SCN9A: variants seen among roughly 807,000 people sequenced by gnomAD.
SCN9A encodes the protein sodium channel protein type 9 subunit alpha.
Under a neutral mutation model 187.0 loss-of-function variants are expected in SCN9A, and 131 were observed. That is an observed-to-expected ratio of 0.70 (90% confidence interval 0.61 to 0.81). SCN9A has a LOEUF of 0.81. SCN9A is among the 30% of genes least tolerant of loss of function. The probability of loss-of-function intolerance (pLI) is 0.00; values close to 1 mark genes in which losing one functional copy is unlikely to be tolerated. For synonymous variants in SCN9A, 809 were observed against 808.6 expected (o/e 1.00, Z -0.01); for missense variants, 2,252 against 2,396.6 (o/e 0.94, Z 1.26).
chr2:166,330,286 C>G (rs1036057752), intron 1 of SCN9A, among the ~76,000 whole-genome samples: 2 of 152,118 alleles, frequency 1.3e-5, no homozygotes, highest in Non-Finnish European at 2.9e-5. Context: ...GCCCCCATAT[C>G]CCATTCTCTG....
intron 1 of SCN9A, among the ~76,000 whole-genome samples, chr2:166,320,413 A>T (rs1459011172): frequency 6.6e-6 from 1 of 152,192 alleles, no homozygotes; most frequent in Non-Finnish European, 1.5e-5. Flanking sequence ...CAAACACCAT[A>T]TATTTAGATA....
Position 166,305,673 on chromosome 2 carries a change from C to T in SCN9A, c.596+119G>A, listed in dbSNP as rs1057138061. 1.0e-5 allele frequency: 14 copies of T among 1,371,576 alleles called. No homozygotes were observed. In the African/African-American group the frequency reaches 1.2e-4, roughly 12 times the overall value. 85.0% of individuals were successfully genotyped at this position (1,371,576 alleles called of 1,614,324 possible). A position where few individuals can be genotyped will look rare whatever the true frequency, so the allele number is the denominator to read the frequency against. ...TAGCTTTCATATAGCTTCCATTTTC[C>T]TTTAAATACAGACATTCCATGCTGG... On this transcript the variant is annotated intron_variant, in intron 5 of 26. Coordinates refer to ENST00000642356, the MANE Select transcript of SCN9A (RefSeq NM_001365536.1).
intron 24 of SCN9A, among the ~76,000 whole-genome samples, chr2:166,220,852 C>A (rs1045904023): frequency 6.6e-6 from 1 of 150,908 alleles, no homozygotes; most frequent in Admixed American, 7.0e-5. Context: ...AAAGACATCC[C>A]AATCTGAAAG....
chr2:166,334,042 G>A (rs936772173), intron 1 of SCN9A, among the ~76,000 whole-genome samples: 1 of 152,178 alleles, frequency 6.6e-6, no homozygotes, highest in African/African-American at 2.4e-5. Context: ...GATATGGAAT[G>A]CTATGAGCAA....
intron 18 of SCN9A, 105 bp downstream of exon 18, chr2:166,251,660 G>T: frequency 1.7e-6 from 2 of 1,170,920 alleles, no homozygotes; most frequent in Non-Finnish European, 2.5e-6. Flanking sequence ...AGCATGGAAT[G>T]GAGTCTTCTG....
intron 18 of SCN9A, among the ~76,000 whole-genome samples, chr2:166,247,323 C>T (rs755982613): frequency 2.7e-4 from 41 of 151,628 alleles, no homozygotes; most frequent in Non-Finnish European, 5.3e-4. Flanking sequence ...TCAAATATAA[C>T]TAAAACAAAT....
intron 1 of SCN9A, among the ~76,000 whole-genome samples, chr2:166,346,090 A>G (rs936151273): frequency 6.6e-5 from 10 of 152,126 alleles, no homozygotes; most frequent in African/African-American, 2.4e-4. Flanking sequence ...CTTTTGAGTA[A>G]CCTGTGCTGC....
chr2:166,295,101 A>C (rs929610273), intron 7 of SCN9A, among the ~76,000 whole-genome samples: 4 of 152,320 alleles, frequency 2.6e-5, no homozygotes, highest in African/African-American at 9.6e-5. Context: ...GACAAAGAAG[A>C]CAGCCATGAA....
chr2:166,288,812 G>A (rs1697907002), intron 9 of SCN9A, among the ~76,000 whole-genome samples, 169 bp from the exon 10 acceptor site: 1 of 152,136 alleles, frequency 6.6e-6, no homozygotes. Flanking sequence ...CACATTTTCA[G>A]TACGAAGAAT....
intron 26 of SCN9A, 24 bp from the exon 27 acceptor site, chr2:166,199,888 A>C: frequency 6.3e-7 from 1 of 1,594,560 alleles, no homozygotes; most frequent in South Asian, 1.1e-5. Context: ...AAAATAATAG[A>C]AATAAAATAT....
At chr2:166,323,699 A>G (rs910451988) in intron 1 of SCN9A, among the ~76,000 whole-genome samples, 3 of 152,214 alleles carry the variant, frequency 2.0e-5, no homozygotes, top group South Asian at 4.2e-4. Context: ...CAGGGCACCA[A>G]TTCTATTGTG....
At chr2:166,294,840 T>A in intron 7 of SCN9A, 178 bp from the exon 8 acceptor site, 1 of 454,590 alleles carries the variant, frequency 2.2e-6, no homozygotes, top group Non-Finnish European at 3.9e-6. Flanking sequence ...TTATTGATAA[T>A]CTCTTAGAGG....
chr2:166,224,463 G>T (rs1022380242), intron 24 of SCN9A, among the ~76,000 whole-genome samples: 5 of 152,052 alleles, frequency 3.3e-5, no homozygotes, highest in Admixed American at 2.0e-4. Context: ...TGCTAAGCCA[G>T]TACCCAAAAT....
chr2:166,281,581 G>C lies in SCN9A; in HGVS notation c.2104+98C>G, dbSNP rs189084376. 3.6e-6 allele frequency: 4 copies of C among 1,126,098 alleles called. No individual in the cohort carries two copies. The East Asian group carries it at 7.3e-5, about 21-fold the overall frequency. The allele number at this position is 1,126,098 out of a possible 1,614,324, so 69.8% of individuals were successfully genotyped here. A position where few individuals can be genotyped will look rare whatever the true frequency, so the allele number is the denominator to read the frequency against. On this transcript the variant is annotated intron_variant, in intron 13 of 26. Coordinates refer to ENST00000642356, the MANE Select transcript of SCN9A (RefSeq NM_001365536.1). Reference sequence around the variant, plus strand: ...CATTTAAAACCATTTTATGGTCTCTGAATTCTTCCTAAGAATTTCATGTGC... The same window carrying C: ...CATTTAAAACCATTTTATGGTCTCTCAATTCTTCCTAAGAATTTCATGTGC...
intron 17 of SCN9A, among the ~76,000 whole-genome samples, chr2:166,263,689 A>C (rs984379802): frequency 6.6e-6 from 1 of 151,986 alleles, no homozygotes; most frequent in African/African-American, 2.4e-5. Context: ...GTGTGATCTT[A>C]TTTGGAAATA....
Position 166,226,690 on chromosome 2 carries a change from G to T in SCN9A, c.4275C>A (p.Pro1425=), listed in dbSNP as rs202040787. The change falls in exon 24 of 27, where the codon CCC becomes CCA. Residue 1425 remains proline (P), a synonymous_variant. Transcript: ENST00000642356. ...AVDSVNVDKQ[P]KYEYSLYMYI... ...ACATGTAGAGGCTATATTCATATTT[G>T]GGCTGCTTGTCTACCTATAAAATTT... 1.3e-5 allele frequency: 21 copies of T among 1,566,224 alleles called. No homozygotes were observed. Among genetic ancestry groups the T allele is most frequent in the Middle Eastern group, 1.7e-4 (1 of 6,008 alleles).
chr2:166,296,704 G>A (rs957057746), intron 7 of SCN9A, among the ~76,000 whole-genome samples: 1 of 152,076 alleles, frequency 6.6e-6, no homozygotes, highest in Admixed American at 6.5e-5. Flanking sequence ...ATGATGAAAG[G>A]TAAAGCAATG....
intron 1 of SCN9A, among the ~76,000 whole-genome samples, chr2:166,331,692 TCTTCTTTGAGAAA>T (rs1278462380): frequency 6.6e-6 from 1 of 152,214 alleles, no homozygotes; most frequent in Non-Finnish European, 1.5e-5. Flanking sequence ...ATGAGTGTCT[TCTTCTTTGAGAAA>T]TAATACTTTT....
intron 24 of SCN9A, among the ~76,000 whole-genome samples, chr2:166,213,282 T>G (rs561334913): frequency 1.0e-3 from 152 of 150,266 alleles, no homozygotes; most frequent in African/African-American, 3.6e-3. Flanking sequence ...AAACCAGAAA[T>G]GAAAGAGGAG....
Sources: allele counts gnomAD v4.1 joint callset (sites outside exome capture counted in the v4.1 genomes callset), GRCh38; gene constraint gnomAD v4.1.1; transcripts MANE v1.5; gene names NCBI Gene and HGNC (gene_info 2026-07-23, HGNC 2026-07-21).